RNH1: variants seen among roughly 807,000 people sequenced by gnomAD.
RNH1 encodes the protein ribonuclease inhibitor.
A neutral mutation model predicts 46.1 loss-of-function variants in RNH1; 38 were observed. The ratio of observed to expected loss-of-function variants is 0.82; its 90% CI spans 0.64 to 1.08. The LOEUF (loss-of-function observed/expected upper bound fraction) is 1.08. RNH1 is among the 50% of genes least tolerant of loss of function. RNH1 has a pLI of 0.00. For synonymous variants in RNH1, 319 were observed against 279.1 expected, an observed-to-expected ratio of 1.14 and a Z score of -1.43; for missense variants, 577 against 590.7, an observed-to-expected ratio of 0.98 and a Z score of 0.24.
In RNH1 at chr11:501,894, T is replaced by C; in HGVS notation, c.101+168A>G. On this transcript the variant is annotated intron_variant, in intron 3 of 10. Coordinates refer to ENST00000354420, the MANE Select transcript of RNH1 (RefSeq NM_203387.3). The surrounding 1 kb of genome is among the most constrained non-coding windows in gnomAD (Gnocchi z 4.1). ...TGGAATGGGTTTTACATTCCTAAAT[T>C]GTCAAAAAGAAACACAAGAATCACA... 1 of 606,834 alleles carries C rather than the reference T, an allele frequency of 1.6e-6. No homozygotes were observed. Among genetic ancestry groups the C allele is most frequent in the South Asian group, 1.9e-5 (1 of 51,704 alleles). The allele number at this position is 606,834 out of a possible 1,614,324, so 37.6% of individuals were successfully genotyped here.
At chr11:496,702 T>G (rs1849096452) in intron 9 of RNH1, among the ~76,000 whole-genome samples, 1 of 152,200 alleles carries the variant, frequency 6.6e-6, no homozygotes. Flanking sequence ...CCGGGCATAA[T>G]GGTGCATGCT....
In RNH1 at chr11:496,763, A is replaced by AT. The variant is rs1849103788; in HGVS notation, c.1127+1207dup. ...AGAACAGGGGCACAAGACCCCAAAAATTACCTCCTGCAAAACCTTTTCTTA... is the reference window on the plus strand; with the variant it reads ...AGAACAGGGGCACAAGACCCCAAAAATTTACCTCCTGCAAAACCTTTTCTTA... On this transcript the variant is annotated intron_variant, in intron 9 of 10. Transcript: ENST00000354420. Among the ~76,000 whole-genome samples, 5 of 152,238 alleles carry AT rather than the reference A, an allele frequency of 3.3e-5. No individual in the cohort carries two copies. In the South Asian group the frequency reaches 1.0e-3, roughly 32 times the overall value.
intron 9 of RNH1, among the ~76,000 whole-genome samples, chr11:495,884 G>A (rs1057021978): frequency 1.3e-5 from 2 of 152,178 alleles, no homozygotes; most frequent in Admixed American, 6.5e-5. Context: ...AGCCACCCAC[G>A]GAAAGCCCCT....
intron 9 of RNH1, 149 bp downstream of exon 9, chr11:497,822 C>T (rs373615393): frequency 1.5e-5 from 14 of 921,898 alleles, no homozygotes; most frequent in Non-Finnish European, 1.9e-5. Context: ...CATATGCTCA[C>T]ACACGTGCTC....
rs955128663 is a variant in RNH1 at position 507,222 on chromosome 11, G to A, written c.-370C>T. On this transcript the variant is annotated 5_prime_UTR_variant, in exon 1 of 11. Transcript: ENST00000354420. ...AACGTGTCGACAACCCCACCCGCCAGTCAGCGGCGCGGGCGTGTTCGAGCC... is the reference window on the plus strand; with the variant it reads ...AACGTGTCGACAACCCCACCCGCCAATCAGCGGCGCGGGCGTGTTCGAGCC... The A allele has an allele frequency of 2.6e-5, 4 of 152,226 alleles. No individual in the cohort carries two copies. The highest frequency in any genetic ancestry group is 4.4e-5 in the Non-Finnish European group (3 of 68,064). The allele number at this position is 152,226 out of a possible 1,614,324, so 9.4% of individuals were successfully genotyped here.
intron 5 of RNH1, chr11:499,506 C>T (rs1565028975): frequency 1.4e-6 from 1 of 696,952 alleles, no homozygotes; most frequent in Admixed American, 2.0e-5. Context: ...GCCGGGTCCC[C>T]CACACACACT....
In RNH1 at chr11:502,363, G is replaced by A; in HGVS notation, c.-87-114C>T. 1.6e-6 allele frequency: 1 copy of A among 609,714 alleles called. No individual in the cohort carries two copies. The highest frequency in any genetic ancestry group is 2.9e-6 in the Non-Finnish European group (1 of 339,232). The allele number at this position is 609,714 out of a possible 1,614,324, so 37.8% of individuals were successfully genotyped here. ...TTTGTCTCTGGAGCAGACATCAGGGGTGGGGCAGGGGGCAGGGACCAGCAC... is the reference window on the plus strand; with the variant it reads ...TTTGTCTCTGGAGCAGACATCAGGGATGGGGCAGGGGGCAGGGACCAGCAC... On this transcript the variant is annotated intron_variant, in intron 2 of 10. Coordinates refer to ENST00000354420, the MANE Select transcript of RNH1 (RefSeq NM_203387.3). This position sits in a 1 kb window ranked among gnomAD's most constrained non-coding sequence, Gnocchi z 5.8.
intron 2 of RNH1, 105 bp downstream of exon 2, chr11:504,719 C>T (rs1850109125): frequency 6.6e-6 from 1 of 152,392 alleles, no homozygotes; most frequent in Non-Finnish European, 1.5e-5. Flanking sequence ...CCAGACCATC[C>T]CTCCAGCTCT....
At position 494,774 on chromosome 11, in the gene RNH1, A is replaced by G; in HGVS notation, c.1303T>C (p.Tyr435His). ...PGCLLEQLVL[Y>H]DIYWSEEMED... ...ATCTCCTCAGACCAGTAAATGTCGT[A>G]CAGGCTGCACACAGGCCAGAAGGGA... The change falls in exon 11 of 11, where the codon TAC becomes CAC. Residue 435 changes from tyrosine (Y) to histidine (H), a missense_variant. Transcript: ENST00000354420. 4.3e-6 allele frequency: 7 copies of G among 1,613,940 alleles called. No individual in the cohort carries two copies. The highest frequency in any genetic ancestry group is 1.1e-5 in the South Asian group (1 of 91,088).
At position 501,798 on chromosome 11, in the gene RNH1, C is replaced by T. The variant is rs1275820040; in HGVS notation, c.101+264G>A. ...AAGGGAGGGAGAGGAGCTGAGACAC[C>T]GGAGCCAGAGACCCACTGGCCAGTG... is the stretch of plus-strand genomic sequence containing the variant. On this transcript the variant is annotated intron_variant, in intron 3 of 10. Coordinates refer to ENST00000354420, the MANE Select transcript of RNH1 (RefSeq NM_203387.3). This position sits in a 1 kb window ranked among gnomAD's most constrained non-coding sequence, Gnocchi z 4.1. 7 of 513,700 alleles carry T rather than the reference C, an allele frequency of 1.4e-5. No individual in the cohort carries two copies. The highest frequency in any genetic ancestry group is 2.5e-5 in the Non-Finnish European group (7 of 283,212). The allele number at this position is 513,700 out of a possible 1,614,324, so 31.8% of individuals were successfully genotyped here.
chr11:499,843 G>A lies in RNH1; in HGVS notation c.429C>T (p.Arg143=), dbSNP rs761053782. The A allele has an allele frequency of 1.9e-6, 3 of 1,608,682 alleles. No individual in the cohort carries two copies. Among genetic ancestry groups the A allele is most frequent in the African/African-American group, 1.3e-5 (1 of 74,904 alleles). The change falls in exon 5 of 11, where the codon CGC becomes CGT. Residue 143 remains arginine (R), a synonymous_variant. Coordinates refer to ENST00000354420, the MANE Select transcript of RNH1 (RefSeq NM_203387.3). ...CACAAACTCACTGCAGCTTTTCCAG[G>A]CGGCACTGGGGGTCCAGGAGTCCTT... ...LCEGLLDPQC[R]LEKLQLEYCS...
chr11:500,357 G>C, intron 4 of RNH1, 127 bp downstream of exon 4: 1 of 1,137,402 alleles, frequency 8.8e-7, no homozygotes, highest in Non-Finnish European at 1.2e-6. Context: ...GGCTGATGTT[G>C]GAAATGTCTG....
chr11:494,592 C>G lies in RNH1; in HGVS notation c.*99G>C, dbSNP rs1445075980. 1 of 1,039,728 alleles carries G rather than the reference C, an allele frequency of 9.6e-7. No homozygotes were observed. Among genetic ancestry groups the G allele is most frequent in the Admixed American group, 2.1e-5 (1 of 47,078 alleles). The allele number at this position is 1,039,728 out of a possible 1,614,324, so 64.4% of individuals were successfully genotyped here. ...ATAAGCGGATCTGAGCGTTTCTCTT[C>G]AAACCTAGGATATGCAGGGTGAGAG... On this transcript the variant is annotated 3_prime_UTR_variant, in exon 11 of 11. Transcript: ENST00000354420.
chr11:502,221 T>C lies in RNH1; in HGVS notation c.-59A>G. 7.4e-7 allele frequency: 1 copy of C among 1,343,742 alleles called. No individual in the cohort carries two copies. 83.2% of individuals were successfully genotyped at this position (1,343,742 alleles called of 1,614,324 possible). A position where few individuals can be genotyped will look rare whatever the true frequency, so the allele number is the denominator to read the frequency against. ...GAGGGAAGAGGACGTCTTGGCCGAA[T>C]CCCCTCACAGTTTCACAGGCCGGAG... On this transcript the variant is annotated 5_prime_UTR_variant, in exon 3 of 11. Coordinates refer to ENST00000354420, the MANE Select transcript of RNH1 (RefSeq NM_203387.3). This position sits in a 1 kb window ranked among gnomAD's most constrained non-coding sequence, Gnocchi z 5.8.
Position 494,913 on chromosome 11 carries a change from C to G in RNH1, c.1268G>C (p.Arg423Pro). The G allele has an allele frequency of 6.2e-7, 1 of 1,611,176 alleles. No individual in the cohort carries two copies. The highest frequency in any genetic ancestry group is 8.5e-7 in the Non-Finnish European group (1 of 1,179,052). ...CTGCTCCAGGAGGCAGCCCGGCTGCCGGACGCTCTCCACCAGCTGCAGGAT... is the reference window on the plus strand; with the variant it reads ...CTGCTCCAGGAGGCAGCCCGGCTGCGGGACGCTCTCCACCAGCTGCAGGAT... ...AGILQLVESVRQPGCLLEQLV... is the reference protein window; with the variant it reads ...AGILQLVESVPQPGCLLEQLV... The change falls in exon 10 of 11, where the codon CGG becomes CCG. Residue 423 changes from arginine (R) to proline (P), a missense_variant. Transcript: ENST00000354420.
In RNH1 at chr11:504,984, G is replaced by A. The variant is rs938260994; in HGVS notation, c.-248C>T. Reference sequence around the variant, plus strand: ...CACACCCTCCGTTTCTGTCAGTCAAGAGTTCTTCATGCCTGAGCTCGGGAA... The same window carrying A: ...CACACCCTCCGTTTCTGTCAGTCAAAAGTTCTTCATGCCTGAGCTCGGGAA... On this transcript the variant is annotated 5_prime_UTR_variant, in exon 2 of 11. Coordinates refer to ENST00000354420, the MANE Select transcript of RNH1 (RefSeq NM_203387.3). 3 of 152,164 alleles carry A rather than the reference G, an allele frequency of 2.0e-5. No individual in the cohort carries two copies. The highest frequency in any genetic ancestry group is 4.8e-5 in the African/African-American group (2 of 41,440). 9.4% of individuals were successfully genotyped at this position (152,164 alleles called of 1,614,324 possible).
intron 9 of RNH1, among the ~76,000 whole-genome samples, chr11:497,058 G>A (rs1226285920): frequency 1.3e-5 from 2 of 152,154 alleles, no homozygotes; most frequent in Admixed American, 1.3e-4. Flanking sequence ...TCGCCCATGT[G>A]CTCACACTCA....
At position 507,174 on chromosome 11, in the gene RNH1, T is replaced by G. The variant is rs1850342892; in HGVS notation, c.-322A>C. On this transcript the variant is annotated 5_prime_UTR_variant, in exon 1 of 11. Transcript: ENST00000354420. ...CCCAGAGCGAGACGGCCTACTTCGT[T>G]CTCGAGCCAGCAGAACGGGTTGAAC... 6.6e-6 allele frequency: 1 copy of G among 152,060 alleles called. No individual in the cohort carries two copies. Among genetic ancestry groups the G allele is most frequent in the African/African-American group, 2.4e-5 (1 of 41,348 alleles). 9.4% of individuals were successfully genotyped at this position (152,060 alleles called of 1,614,324 possible). A position where few individuals can be genotyped will look rare whatever the true frequency, so the allele number is the denominator to read the frequency against.
chr11:504,169 C>G, intron 2 of RNH1, among the ~76,000 whole-genome samples: 1 of 152,176 alleles, frequency 6.6e-6, no homozygotes, highest in East Asian at 1.9e-4. Flanking sequence ...CGTCTGGAGG[C>G]CAATTCAGGT....
Sources: gnomAD v4.1 joint callset for allele counts (sites outside exome capture counted in the v4.1 genomes callset) on GRCh38, gnomAD v4.1.1 for gene constraint, Gnocchi (gnomAD v3.1) non-coding constraint, MANE v1.5 for transcripts, NCBI Gene and HGNC (gene_info 2026-07-23, HGNC 2026-07-21) for gene names.